The following CAPN5 variants were observed in gnomAD, a reference collection of about 807,000 sequenced individuals.
CAPN5 encodes the protein calpain-5.
Under a neutral mutation model 73.0 loss-of-function variants are expected in CAPN5, and 54 were observed. The observed-to-expected ratio is 0.74, with a 90% confidence interval of 0.59 to 0.93. The LOEUF is 0.93. Ranked by LOEUF, CAPN5 falls within the 40% of genes least tolerant of loss-of-function variation. The pLI, the probability that CAPN5 is intolerant of heterozygous loss-of-function variation, is 0.00. For missense variants in CAPN5, 785 were observed against 882.9 expected, an observed-to-expected ratio of 0.89 and a Z score of 1.41; for synonymous variants, 335 against 356.9, an observed-to-expected ratio of 0.94 and a Z score of 0.69.
At chr11:77,077,689 A>G (rs1037172251) in intron 1 of CAPN5, among the ~76,000 whole-genome samples, 1 of 151,638 alleles carries the variant, frequency 6.6e-6, no homozygotes, top group South Asian at 2.1e-4. Context: ...AATTTTTTGT[A>G]TTTTTAGTAG....
chr11:77,090,879 C>T (rs1342673605), intron 2 of CAPN5, among the ~76,000 whole-genome samples: 1 of 152,200 alleles, frequency 6.6e-6, no homozygotes, highest in Non-Finnish European at 1.5e-5. Context: ...GACAGGAGGG[C>T]AGCGGGGAGG....
chr11:77,121,991 C>A lies in CAPN5; in HGVS notation c.1545C>A (p.Pro515=), dbSNP rs1322716567. 3.8e-6 allele frequency: 6 copies of A among 1,563,866 alleles called. No homozygotes were observed. Among genetic ancestry groups the A allele is most frequent in the South Asian group, 1.2e-5 (1 of 84,702 alleles). The change falls in exon 11 of 13, where the codon CCC becomes CCA. Residue 515 remains proline, a synonymous_variant. Transcript: ENST00000648180. ...HTCWSSLCGY[P]QLVTQVHVLG... ...GCTGGAGCTCCCTCTGTGGCTACCC[C>A]CAGCTGGTGACCCAGGTACATGTCC...
chr11:77,072,400 C>T (rs189378934), intron 1 of CAPN5, among the ~76,000 whole-genome samples: 1 of 152,334 alleles, frequency 6.6e-6, no homozygotes, highest in Non-Finnish European at 1.5e-5. Flanking sequence ...TCGCCTTCAC[C>T]AGGCTGACCT....
chr11:77,103,031 G>T, intron 3 of CAPN5: 2 of 1,613,610 alleles, frequency 1.2e-6, no homozygotes, highest in Non-Finnish European at 1.7e-6. Context: ...AGCGGCTACA[G>T]TTCGAGCGCT....
intron 3 of CAPN5, among the ~76,000 whole-genome samples, chr11:77,104,822 G>A (rs1308592843): frequency 6.6e-6 from 1 of 152,260 alleles, no homozygotes; most frequent in Non-Finnish European, 1.5e-5. Flanking sequence ...GGGCCAGAGG[G>A]TCAGGGCCAT....
At chr11:77,078,968 A>T (rs1377330214) in intron 1 of CAPN5, among the ~76,000 whole-genome samples, 1 of 152,124 alleles carries the variant, frequency 6.6e-6, no homozygotes, top group African/African-American at 2.4e-5. Context: ...AAGGATGCTG[A>T]ATCTTGTCAA....
At position 77,113,212 on chromosome 11, in the gene CAPN5, T is replaced by A. The variant is rs536079148; in HGVS notation, c.506+415T>A. ...GGGCCACGTGCCTGCCTTCCCCGCCTGCTGGGCCTCCCTCTTGTCCACCAT... is the reference window on the plus strand; with the variant it reads ...GGGCCACGTGCCTGCCTTCCCCGCCAGCTGGGCCTCCCTCTTGTCCACCAT... On this transcript the variant is annotated intron_variant, in intron 4 of 12. Transcript: ENST00000648180. Among the ~76,000 whole-genome samples, 66 of 152,368 alleles carry A rather than the reference T, an allele frequency of 4.3e-4. 1 individual carries two copies. Among genetic ancestry groups the A allele is most frequent in the African/African-American group, 1.5e-3 (64 of 41,590 alleles).
intron 3 of CAPN5, among the ~76,000 whole-genome samples, chr11:77,109,534 G>C (rs900372000): frequency 6.6e-6 from 1 of 152,112 alleles, no homozygotes. Flanking sequence ...GCCCATCTTT[G>C]GCCATCAGGA....
At chr11:77,075,572 TG>T (rs1555033786) in intron 1 of CAPN5, among the ~76,000 whole-genome samples, 3 of 152,220 alleles carry the variant, frequency 2.0e-5, no homozygotes, top group Non-Finnish European at 4.4e-5. Context: ...CCTAGGTATG[TG>T]GTGTCCAGCT....
intron 3 of CAPN5, among the ~76,000 whole-genome samples, chr11:77,108,774 CT>C (rs1555040340): frequency 6.6e-6 from 1 of 151,354 alleles, no homozygotes; most frequent in East Asian, 1.9e-4. Flanking sequence ...ATAAAATAAT[CT>C]CTTAATATCA....
intron 3 of CAPN5, among the ~76,000 whole-genome samples, chr11:77,101,131 G>A (rs997864203): frequency 6.6e-6 from 1 of 152,144 alleles, no homozygotes; most frequent in Admixed American, 6.5e-5. Flanking sequence ...TCATTCATCC[G>A]TTCATTCATT....
chr11:77,076,523 C>A (rs1384235098), intron 1 of CAPN5, among the ~76,000 whole-genome samples: 4 of 152,162 alleles, frequency 2.6e-5, no homozygotes, highest in African/African-American at 9.7e-5. Flanking sequence ...CCCTCCCCAC[C>A]CTCACCCCTC....
intron 2 of CAPN5, among the ~76,000 whole-genome samples, chr11:77,093,384 G>A (rs555588520): frequency 3.3e-5 from 5 of 152,192 alleles, no homozygotes; most frequent in Admixed American, 2.0e-4. Context: ...GCAGTGCCCC[G>A]GGTCCAGCGC....
chr11:77,113,544 A>G (rs1437298816), intron 4 of CAPN5, among the ~76,000 whole-genome samples: 1 of 152,194 alleles, frequency 6.6e-6, no homozygotes, highest in Non-Finnish European at 1.5e-5. Flanking sequence ...CTTGCTGAAA[A>G]AATGTGTGTG....
chr11:77,075,992 T>C (rs1246382314), intron 1 of CAPN5, among the ~76,000 whole-genome samples: 1 of 152,220 alleles, frequency 6.6e-6, no homozygotes, highest in Non-Finnish European at 1.5e-5. Context: ...GAAATGTGTA[T>C]ACATTGTGGA....
At chr11:77,120,557 C>T (rs1425382279) in intron 9 of CAPN5, 156 bp from the exon 10 acceptor site, 3 of 560,702 alleles carry the variant, frequency 5.4e-6, no homozygotes, top group African/African-American at 3.7e-5. Flanking sequence ...CCTGGGCAAA[C>T]ACGAATCCGC....
rs957772326 is a variant in CAPN5, at chr11:77,103,291, C to G, written c.298-9298C>G. ...GTCACCTTTGGCGAGGGTGTGGAGC[C>G]CGCCAACCTCAAGGCCTCCGTGGTT... On this transcript the variant is annotated intron_variant, in intron 3 of 12. Transcript: ENST00000648180. 6 of 1,612,536 alleles carry G rather than the reference C, an allele frequency of 3.7e-6. No homozygotes were observed. The highest frequency in any genetic ancestry group is 5.1e-6 in the Non-Finnish European group (6 of 1,179,516).
At chr11:77,087,956 G>A (rs782653089) in intron 2 of CAPN5, 70 of 1,535,898 alleles carry the variant, frequency 4.6e-5, no homozygotes, top group Admixed American at 2.0e-5. Context: ...GTGGCCATTC[G>A]CTGGCCCCTC....
chr11:77,103,897 G>T (rs1431344783), intron 3 of CAPN5, among the ~76,000 whole-genome samples: 5 of 152,200 alleles, frequency 3.3e-5, no homozygotes. Flanking sequence ...GGGTGGATTT[G>T]GGCAGTGGAG....
Sources: allele counts gnomAD v4.1 joint callset (sites outside exome capture counted in the v4.1 genomes callset), GRCh38; gene constraint gnomAD v4.1.1; transcripts MANE v1.5; gene names NCBI Gene and HGNC (gene_info 2026-07-23, HGNC 2026-07-21).